FAM124A: variants seen among roughly 807,000 people sequenced by gnomAD.
FAM124A encodes family with sequence similarity 124 member A.
A neutral mutation model predicts 24.5 loss-of-function variants in FAM124A; 23 were observed. The ratio of observed to expected loss-of-function variants is 0.94; its 90% CI spans 0.68 to 1.33. The LOEUF is 1.33. FAM124A is among the 40% of genes most tolerant of loss of function. FAM124A has a pLI of 0.00. For synonymous variants in FAM124A, 287 were observed against 314.7 expected (o/e 0.91, Z 0.93); for missense variants, 623 against 722.8 (o/e 0.86, Z 1.58).
chr13:51,263,131 C>T (rs747386990), intron 3 of FAM124A, among the ~76,000 whole-genome samples: 4 of 152,146 alleles, frequency 2.6e-5, no homozygotes, highest in African/African-American at 4.8e-5. Context: ...GAGGGAGACA[C>T]GCTGGCCCTA....
At chr13:51,259,808 A>C (rs4942985) in intron 3 of FAM124A, among the ~76,000 whole-genome samples, 18,242 of 152,092 alleles carry the variant, frequency 0.12, 1,230 homozygotes, top group East Asian at 0.27. Flanking sequence ...TCTTGTTTGC[A>C]CACTGCTGTC....
At chr13:51,226,314 T>C (rs1013524209) in intron 1 of FAM124A, among the ~76,000 whole-genome samples, 7 of 152,080 alleles carry the variant, frequency 4.6e-5, no homozygotes, top group African/African-American at 1.4e-4. Context: ...GTGTCAGCAT[T>C]CTGAAAAAGT....
At chr13:51,268,899 G>A (rs1272271571) in intron 3 of FAM124A, among the ~76,000 whole-genome samples, 1 of 152,216 alleles carries the variant, frequency 6.6e-6, no homozygotes, top group Non-Finnish European at 1.5e-5. Flanking sequence ...CAAGTTATCA[G>A]AGGGCTACAG....
chr13:51,225,873 A>G (rs1298714361), intron 1 of FAM124A, among the ~76,000 whole-genome samples: 2 of 151,170 alleles, frequency 1.3e-5, no homozygotes, highest in Non-Finnish European at 2.9e-5. Context: ...TTTCTTAAAT[A>G]TAGGTGCTAA....
At chr13:51,276,016 T>TAC (rs1954882978) in intron 3 of FAM124A, among the ~76,000 whole-genome samples, 1 of 152,198 alleles carries the variant, frequency 6.6e-6, no homozygotes, top group African/African-American at 2.4e-5. Flanking sequence ...TGTAAAGTCA[T>TAC]GGAGATACAA....
chr13:51,266,933 G>A (rs1486163371), intron 3 of FAM124A, among the ~76,000 whole-genome samples: 1 of 152,232 alleles, frequency 6.6e-6, no homozygotes, highest in Non-Finnish European at 1.5e-5. Context: ...GCCAGGATCT[G>A]TGAGCTCAGA....
At chr13:51,252,260 C>T in intron 3 of FAM124A, 59 bp downstream of exon 3, 2 of 1,573,124 alleles carry the variant, frequency 1.3e-6, no homozygotes, top group Non-Finnish European at 1.7e-6. Flanking sequence ...TTAGCTTTGC[C>T]TCAAACACTA....
chr13:51,270,608 C>T (rs995098943), intron 3 of FAM124A, among the ~76,000 whole-genome samples: 2 of 152,196 alleles, frequency 1.3e-5, no homozygotes, highest in African/African-American at 4.8e-5. Context: ...GTCCTAAATT[C>T]TATTTGCTGA....
At chr13:51,273,203 C>G (rs1954854678) in intron 3 of FAM124A, among the ~76,000 whole-genome samples, 1 of 152,154 alleles carries the variant, frequency 6.6e-6, no homozygotes, top group Admixed American at 6.5e-5. Context: ...TCTCCTCCAC[C>G]AGGGGACATT....
rs142444243 is a variant in FAM124A, at chr13:51,281,140, T to G, written c.1525T>G (p.Ser509Ala). 136 of 1,613,580 alleles carry G rather than the reference T, an allele frequency of 8.4e-5. No individual in the cohort carries two copies. In the African/African-American group the frequency reaches 1.6e-3, roughly 19 times the overall value. ...PAPSTSTLTD[S>A]SPQLPCDTPK... is the part of the protein sequence containing the mutation. ...TCCCAGCACCTCCACCCTCACAGAC[T>G]CCTCCCCACAGCTCCCATGCGATAC... Residue 509 changes from serine to alanine, a missense_variant, in exon 4 of 4, where the codon TCC becomes GCC. By Grantham distance (99) the Ser-to-Ala change is moderately conservative. Transcript: ENST00000322475.
chr13:51,261,172 T>A (rs1164162627), intron 3 of FAM124A, among the ~76,000 whole-genome samples: 1 of 152,112 alleles, frequency 6.6e-6, no homozygotes, highest in Middle Eastern at 3.2e-3. Context: ...CCGCTTGGGC[T>A]CTGGTATTCC....
In FAM124A at chr13:51,251,991, C is replaced by T. The variant is rs774406822; in HGVS notation, c.624C>T (p.Phe208=). 1.9e-6 allele frequency: 3 copies of T among 1,614,136 alleles called. No homozygotes were observed. The Admixed American group carries it at 5.0e-5, about 27-fold the overall frequency. ...PSQKKADFCI[F]PIFSNLDVDI... is the part of the protein sequence containing the mutation. ...AGAAGAAAGCGGACTTCTGCATCTTCCCTATTTTTTCCAACCTGGATGTGG... is the reference window on the plus strand; with the variant it reads ...AGAAGAAAGCGGACTTCTGCATCTTTCCTATTTTTTCCAACCTGGATGTGG... The change falls in exon 3 of 4, where the codon TTC becomes TTT. Residue 208 remains phenylalanine, a synonymous_variant. Coordinates refer to ENST00000322475, the MANE Select transcript of FAM124A (RefSeq NM_001242312.2). This position sits in a 1 kb window ranked among gnomAD's most constrained non-coding sequence, Gnocchi z 5.3.
At chr13:51,231,201 G>C (rs1954373004) in intron 1 of FAM124A, 147 bp from the exon 2 acceptor site, 1 of 821,192 alleles carries the variant, frequency 1.2e-6, no homozygotes, top group African/African-American at 1.8e-5. Flanking sequence ...ACTTTATTTT[G>C]CATAAAATGA....
chr13:51,265,344 C>T (rs990526101), intron 3 of FAM124A, among the ~76,000 whole-genome samples: 1 of 152,162 alleles, frequency 6.6e-6, no homozygotes, highest in African/African-American at 2.4e-5. Flanking sequence ...TAAAACACAC[C>T]TGCCCAGGGC....
At chr13:51,260,667 G>C (rs1324660780) in intron 3 of FAM124A, among the ~76,000 whole-genome samples, 1 of 152,208 alleles carries the variant, frequency 6.6e-6, no homozygotes, top group Non-Finnish European at 1.5e-5. Context: ...ACTACAGATG[G>C]TAAGTGGTAG....
chr13:51,235,049 G>A lies in FAM124A; in HGVS notation c.100+3670G>A, dbSNP rs117796751. Among the ~76,000 whole-genome samples, 919 of 151,798 alleles carry A rather than the reference G, an allele frequency of 6.1e-3. 3 individuals are homozygous for A. The highest frequency in any genetic ancestry group is 1.0e-2 in the Non-Finnish European group (678 of 67,890). On this transcript the variant is annotated intron_variant, in intron 2 of 3. Coordinates refer to ENST00000322475, the MANE Select transcript of FAM124A (RefSeq NM_001242312.2). ...CCGTCCAGATCCGGGGGATGTGACC[G>A]GGGGGCTTCTTTAATGGATGGTTTG...
At chr13:51,254,105 G>T (rs899605664) in intron 3 of FAM124A, among the ~76,000 whole-genome samples, 1 of 152,120 alleles carries the variant, frequency 6.6e-6, no homozygotes, top group African/African-American at 2.4e-5. Context: ...TAGGTCTTGG[G>T]GGGAGGAGCA....
Position 51,252,038 on chromosome 13 carries a change from G to C in FAM124A, c.671G>C (p.Arg224Thr). Reference protein sequence around the residue: ...LDVDIQFSLKRLPCDQCPVPT... With the variant: ...LDVDIQFSLKTLPCDQCPVPT... ...GTGGACATCCAGTTCTCCCTGAAAA[G>C]ACTGCCCTGTGACCAGTGCCCGGTG... Residue 224 changes from arginine to threonine, a missense_variant, in exon 3 of 4, where the codon AGA (arginine) becomes ACA (threonine). Arg to Thr is a moderately conservative substitution (Grantham distance 71). Transcript: ENST00000322475. 6.2e-7 allele frequency: 1 copy of C among 1,614,188 alleles called. No individual in the cohort carries two copies. Among genetic ancestry groups the C allele is most frequent in the South Asian group, 1.1e-5 (1 of 91,082 alleles).
chr13:51,257,920 C>T (rs1470579668), intron 3 of FAM124A, among the ~76,000 whole-genome samples: 1 of 152,222 alleles, frequency 6.6e-6, no homozygotes, highest in Non-Finnish European at 1.5e-5. Context: ...CATAGTACCA[C>T]AAACTGGGTG....
Sources: allele counts gnomAD v4.1 joint callset (sites outside exome capture counted in the v4.1 genomes callset), GRCh38; gene constraint gnomAD v4.1.1; non-coding constraint Gnocchi (gnomAD v3.1); transcripts MANE v1.5; gene names NCBI Gene and HGNC (gene_info 2026-07-23, HGNC 2026-07-21).